Variants in ST6GALNAC5 observed in about 807,000 individuals in gnomAD.
ST6GALNAC5 encodes the protein ST6 N-acetylgalactosaminide alpha-2,6-sialyltransferase 5, also known as alpha-N-acetylgalactosaminide alpha-2,6-sialyltransferase 5.
In ST6GALNAC5, 27 loss-of-function variants were observed where a neutral mutation model predicts 33.6. That is an observed-to-expected ratio of 0.80 (90% confidence interval 0.59 to 1.11). The LOEUF (loss-of-function observed/expected upper bound fraction) is 1.11. Ranked by LOEUF, ST6GALNAC5 falls within the 50% of genes least tolerant of loss-of-function variation. The probability of loss-of-function intolerance (pLI) is 0.00; values close to 1 mark genes in which losing one functional copy is unlikely to be tolerated. For synonymous variants in ST6GALNAC5, 194 were observed against 171.2 expected (o/e 1.13, Z -1.04); for missense variants, 428 against 454.0 (o/e 0.94, Z 0.52).
At chr1:76,882,038 A>G (rs1294689195) in intron 2 of ST6GALNAC5, among the ~76,000 whole-genome samples, 3 of 152,318 alleles carry the variant, frequency 2.0e-5, no homozygotes, top group Non-Finnish European at 4.4e-5. Context: ...TTTGGACAGA[A>G]TTTATTAAAA....
intron 2 of ST6GALNAC5, among the ~76,000 whole-genome samples, chr1:76,985,355 C>G (rs1435464513): frequency 6.6e-6 from 1 of 152,036 alleles, no homozygotes; most frequent in African/African-American, 2.4e-5. Context: ...TACAAGCATT[C>G]CTATACACTA....
At chr1:76,942,503 C>T (rs12734069) in intron 2 of ST6GALNAC5, among the ~76,000 whole-genome samples, 49,593 of 151,944 alleles carry the variant, frequency 0.33, 9,721 homozygotes, top group Non-Finnish European at 0.43. Context: ...TATGGAGATA[C>T]TTATCAAGCC....
At chr1:76,962,415 T>C (rs960187283) in intron 2 of ST6GALNAC5, among the ~76,000 whole-genome samples, 8 of 152,202 alleles carry the variant, frequency 5.3e-5, no homozygotes, top group Non-Finnish European at 1.5e-5. Context: ...TTGAAGGAGA[T>C]GTAATTACAG....
intron 2 of ST6GALNAC5, among the ~76,000 whole-genome samples, chr1:76,907,219 C>T (rs928020945): frequency 6.6e-6 from 1 of 151,968 alleles, no homozygotes; most frequent in African/African-American, 2.4e-5. Flanking sequence ...ATACCAAAAC[C>T]ATTCTTTGGG....
At chr1:76,913,014 C>T (rs1302605201) in intron 2 of ST6GALNAC5, among the ~76,000 whole-genome samples, 1 of 152,086 alleles carries the variant, frequency 6.6e-6, no homozygotes, top group Non-Finnish European at 1.5e-5. Flanking sequence ...TTCCTAGTCT[C>T]CATGGTCTTT....
intron 2 of ST6GALNAC5, among the ~76,000 whole-genome samples, chr1:77,020,005 A>G (rs993301550): frequency 2.0e-5 from 3 of 152,210 alleles, no homozygotes; most frequent in Non-Finnish European, 4.4e-5. Context: ...ATTTTACATG[A>G]AAACCTGTCA....
At chr1:77,001,166 C>G (rs7328916) in intron 2 of ST6GALNAC5, among the ~76,000 whole-genome samples, 20 of 143,356 alleles carry the variant, frequency 1.4e-4, no homozygotes, top group Non-Finnish European at 2.0e-4. Flanking sequence ...CTTTTATTTC[C>G]TTGAGCAGTG....
intron 2 of ST6GALNAC5, among the ~76,000 whole-genome samples, chr1:76,904,308 A>G (rs139292807): frequency 0.013 from 2,019 of 151,888 alleles, 46 homozygotes; most frequent in African/African-American, 0.046. Context: ...AGGGAAAGGG[A>G]CTCAAATTCA....
chr1:76,886,819 T>A (rs1653906474), intron 2 of ST6GALNAC5, among the ~76,000 whole-genome samples: 1 of 150,318 alleles, frequency 6.7e-6, no homozygotes, highest in African/African-American at 2.5e-5. Flanking sequence ...ATCTTGTGTC[T>A]GACTAATTTT....
At position 76,907,390 on chromosome 1, in the gene ST6GALNAC5, T is replaced by G. The variant is rs566805984; in HGVS notation, c.261+38648T>G. On this transcript the variant is annotated intron_variant, in intron 2 of 4. Transcript: ENST00000477717. Reference sequence around the variant, plus strand: ...GGCAGCAAGGGACAGAAAAAGCACTTGAGGCAGCAGGCTGTCAGATTTGCT... The same window carrying G: ...GGCAGCAAGGGACAGAAAAAGCACTGGAGGCAGCAGGCTGTCAGATTTGCT... Among the ~76,000 whole-genome samples the G allele has an allele frequency of 3.9e-5, 6 of 152,202 alleles. No homozygotes were observed. In the East Asian group the frequency reaches 1.2e-3, roughly 29 times the overall value.
intron 3 of ST6GALNAC5, among the ~76,000 whole-genome samples, chr1:77,047,368 TC>T (rs1375308090): frequency 6.6e-6 from 1 of 152,234 alleles, no homozygotes; most frequent in Non-Finnish European, 1.5e-5. Context: ...TAATGGTATT[TC>T]TCAATGTATG....
At chr1:76,965,291 G>T (rs201239332) in intron 2 of ST6GALNAC5, among the ~76,000 whole-genome samples, 1 of 151,738 alleles carries the variant, frequency 6.6e-6, no homozygotes, top group African/African-American at 2.4e-5. Flanking sequence ...CTGACTTTTT[G>T]ATTATCGCCA....
At position 77,009,978 on chromosome 1, in the gene ST6GALNAC5, C is replaced by A. The variant is rs141009030; in HGVS notation, c.262-34226C>A. 4.5e-3 allele frequency among the ~76,000 whole-genome samples: 692 copies of A among 152,278 alleles called. 5 individuals carry two copies. Among genetic ancestry groups the A allele is most frequent in the African/African-American group, 0.016 (645 of 41,564 alleles). ...TGGCAATAACCACATTAAAATGTTT[C>A]TCTGAAAGTCTTTGGAGCAGAGTCC... is the stretch of plus-strand genomic sequence containing the variant. On this transcript the variant is annotated intron_variant, in intron 2 of 4. Coordinates refer to ENST00000477717, the MANE Select transcript of ST6GALNAC5 (RefSeq NM_030965.3).
At chr1:76,944,392 C>T (rs1647439341) in intron 2 of ST6GALNAC5, among the ~76,000 whole-genome samples, 1 of 151,986 alleles carries the variant, frequency 6.6e-6, no homozygotes, top group Non-Finnish European at 1.5e-5. Flanking sequence ...TTTATGAAGT[C>T]ACAGGCCCAA....
intron 2 of ST6GALNAC5, among the ~76,000 whole-genome samples, chr1:76,894,924 T>C (rs962500175): frequency 6.6e-6 from 1 of 151,902 alleles, no homozygotes; most frequent in African/African-American, 2.4e-5. Context: ...TGAAGGGAGA[T>C]AAGGATGGGG....
At chr1:77,009,215 C>T (rs770510614) in intron 2 of ST6GALNAC5, among the ~76,000 whole-genome samples, 5 of 152,138 alleles carry the variant, frequency 3.3e-5, no homozygotes, top group Admixed American at 6.5e-5. Context: ...ACTTTATGGA[C>T]GAGCCAACTA....
chr1:77,048,464 C>T (rs1170577207), intron 3 of ST6GALNAC5, among the ~76,000 whole-genome samples: 1 of 152,180 alleles, frequency 6.6e-6, no homozygotes, highest in Non-Finnish European at 1.5e-5. Context: ...GAAGCCACTT[C>T]CTCTTCTTAC....
intron 2 of ST6GALNAC5, among the ~76,000 whole-genome samples, chr1:76,891,507 C>T (rs1654012250): frequency 1.3e-5 from 2 of 152,006 alleles, no homozygotes. Context: ...ACATGATTTG[C>T]AAATTATTTT....
At chr1:76,954,773 A>G (rs1647888735) in intron 2 of ST6GALNAC5, among the ~76,000 whole-genome samples, 4 of 152,140 alleles carry the variant, frequency 2.6e-5, no homozygotes, top group Admixed American at 2.0e-4. Context: ...TTGGGTGGCC[A>G]GGAAGCTTAG....
Sources: gnomAD v4.1 joint callset for allele counts (sites outside exome capture counted in the v4.1 genomes callset) on GRCh38, gnomAD v4.1.1 for gene constraint, MANE v1.5 for transcripts, NCBI Gene and HGNC (gene_info 2026-07-23, HGNC 2026-07-21) for gene names.